Variants in NAP1L4 observed in about 807,000 individuals in gnomAD.
NAP1L4 encodes nucleosome assembly protein 1-like 4.
NAP1L4 carries 15 observed loss-of-function variants against 58.2 expected under a neutral mutation model. That is an observed-to-expected ratio of 0.26 (90% CI 0.17 to 0.40). The LOEUF (loss-of-function observed/expected upper bound fraction) is 0.40. Among genes scored for constraint, NAP1L4 ranks in the 10% least tolerant of loss-of-function variants. NAP1L4 has a pLI of 1.00. For missense variants in NAP1L4, 384 were observed against 451.1 expected (o/e 0.85, Z 1.35); for synonymous variants, 171 against 155.6 (o/e 1.10, Z -0.74).
chr11:2,963,997 T>C, intron 8 of NAP1L4: 1 of 465,836 alleles, frequency 2.1e-6, no homozygotes, highest in South Asian at 1.6e-5. Context: ...AAGCTTATCT[T>C]ACCAACTGGT....
intron 1 of NAP1L4, among the ~76,000 whole-genome samples, chr11:2,981,217 GAC>G (rs1346209188): frequency 6.7e-6 from 1 of 148,706 alleles, no homozygotes; most frequent in East Asian, 2.0e-4. Flanking sequence ...CCGCCTGGAA[GAC>G]ACAGTCAGAC....
chr11:2,990,654 A>T (rs1053910267), intron 1 of NAP1L4: 1 of 153,448 alleles, frequency 6.5e-6, no homozygotes, highest in African/African-American at 2.4e-5. Context: ...AGAAGCAGTA[A>T]CCCTGGGTAC....
rs1218485024 is a variant in NAP1L4, at chr11:2,963,638, C to T, written c.606+1042G>A. 1.5e-5 allele frequency: 7 copies of T among 452,296 alleles called. No homozygotes were observed. In the Admixed American group the frequency reaches 1.6e-4, roughly 11 times the overall value. 28.0% of individuals were successfully genotyped at this position (452,296 alleles called of 1,614,324 possible). On this transcript the variant is annotated intron_variant, in intron 8 of 15. Transcript: ENST00000380542. ...GCACTTGCAGTGAAGAAATCCCACT[C>T]CTAGTGGCCCTCATCCATTAGCCCA...
Position 2,948,360 on chromosome 11 carries a change from G to A in NAP1L4, c.*32+867C>T, listed in dbSNP as rs939436345. On this transcript the variant is annotated intron_variant, in intron 15 of 15. Transcript: ENST00000380542. The surrounding 1 kb of genome is among the most constrained non-coding windows in gnomAD (Gnocchi z 5.1). ...GTTCTGTGACGAGACCCTTAAAAAC[G>A]GAGTGCCTACTTATCCTGGCATGCA... Among the ~76,000 whole-genome samples the A allele has an allele frequency of 6.6e-6, 1 of 152,148 alleles. No homozygotes were observed. Among genetic ancestry groups the A allele is most frequent in the Non-Finnish European group, 1.5e-5 (1 of 68,016 alleles).
chr11:2,981,723 A>G (rs1285841834), intron 1 of NAP1L4: 4 of 152,264 alleles, frequency 2.6e-5, no homozygotes, highest in African/African-American at 9.7e-5. Flanking sequence ...GCTACTCGGG[A>G]GGCTGAGGCA....
At chr11:2,962,670 A>C (rs1372332009) in intron 8 of NAP1L4, among the ~76,000 whole-genome samples, 1 of 148,582 alleles carries the variant, frequency 6.7e-6, no homozygotes, top group East Asian at 1.9e-4. Flanking sequence ...AAGTAAAAAG[A>C]AAAAAAAAAA....
Position 2,959,478 on chromosome 11 carries a change from C to T in NAP1L4, c.746+292G>A, listed in dbSNP as rs1043130679. On this transcript the variant is annotated intron_variant, in intron 9 of 15. Coordinates refer to ENST00000380542, the MANE Select transcript of NAP1L4 (RefSeq NM_005969.4). The surrounding 1 kb of genome is among the most constrained non-coding windows in gnomAD (Gnocchi z 4.9). ...ATTCAATTTTAAGAACTTCAATTCA[C>T]GATGTCTAGAGAATCCACTACTTTC... 7.2e-5 allele frequency among the ~76,000 whole-genome samples: 11 copies of T among 152,172 alleles called. No individual in the cohort carries two copies. The highest frequency in any genetic ancestry group is 5.9e-5 in the Non-Finnish European group (4 of 68,032).
rs376254394 is a variant in NAP1L4 at position 2,951,224 on chromosome 11, A to G, written c.1122+35T>C. 99 of 1,571,708 alleles carry G rather than the reference A, an allele frequency of 6.3e-5. No homozygotes were observed. Among genetic ancestry groups the G allele is most frequent in the Admixed American group, 8.4e-5 (5 of 59,386 alleles). On this transcript the variant is annotated intron_variant, in intron 14 of 15. Coordinates refer to ENST00000380542, the MANE Select transcript of NAP1L4 (RefSeq NM_005969.4). The surrounding 1 kb of genome is among the most constrained non-coding windows in gnomAD (Gnocchi z 4.0). ...TTTTAAAAGTCTAAGAGTGCAGCAT[A>G]ATAAGTAGGTCTGGGTGGCCCCAAA...
In NAP1L4 at chr11:2,960,090, G is replaced by C. The variant is rs1846777455; in HGVS notation, c.607-181C>G. ...CGTGAGGTTAAAAAAACCAACGATG[G>C]ACTGGCGGGAAATATCTGTTCAGTT... On this transcript the variant is annotated intron_variant, in intron 8 of 15. Coordinates refer to ENST00000380542, the MANE Select transcript of NAP1L4 (RefSeq NM_005969.4). 4 of 604,238 alleles carry C rather than the reference G, an allele frequency of 6.6e-6. No individual in the cohort carries two copies. The African/African-American group carries it at 7.4e-5, about 11-fold the overall frequency. The allele number at this position is 604,238 out of a possible 1,614,324, so 37.4% of individuals were successfully genotyped here.
At chr11:2,945,862 C>G (rs2133885244) in intron 15 of NAP1L4, among the ~76,000 whole-genome samples, 1 of 152,282 alleles carries the variant, frequency 6.6e-6, no homozygotes, top group African/African-American at 2.4e-5. Flanking sequence ...TAAAGCTATG[C>G]CTTCAAGCAT....
intron 1 of NAP1L4, among the ~76,000 whole-genome samples, chr11:2,982,216 G>C (rs1848363226): frequency 1.3e-5 from 2 of 152,128 alleles, no homozygotes. Context: ...GCATTTCTGG[G>C]TCAAAGAGCA....
chr11:2,986,352 C>T lies in NAP1L4; in HGVS notation c.-18+5902G>A, dbSNP rs192980098. Among the ~76,000 whole-genome samples, 691 of 138,300 alleles carry T rather than the reference C, an allele frequency of 5.0e-3. 12 individuals carry two copies. Among genetic ancestry groups the T allele is most frequent in the African/African-American group, 0.018 (655 of 36,892 alleles). 90.7% of individuals were successfully genotyped at this position (138,300 alleles called of 152,430 possible). A position where few individuals can be genotyped will look rare whatever the true frequency, so the allele number is the denominator to read the frequency against. On this transcript the variant is annotated intron_variant, in intron 1 of 15. Coordinates refer to ENST00000380542, the MANE Select transcript of NAP1L4 (RefSeq NM_005969.4). ...TTGCCCCACTAGACTCCAGTCTGGG[C>T]GACAGAGCCAGACCCTGTCTCAAAA...
intron 12 of NAP1L4, among the ~76,000 whole-genome samples, chr11:2,953,232 C>A (rs188652832): frequency 6.6e-6 from 1 of 152,350 alleles, no homozygotes; most frequent in Admixed American, 6.5e-5. Flanking sequence ...AAATGTGGCA[C>A]AGTGCTCACC....
intron 3 of NAP1L4, among the ~76,000 whole-genome samples, chr11:2,976,374 GCTCTCACCAGGA>G (rs1259333037): frequency 7.2e-5 from 11 of 152,230 alleles, no homozygotes; most frequent in African/African-American, 2.6e-4. Context: ...GAGAGTCCTG[GCTCTCACCAGGA>G]CTGTGGCTGT....
At chr11:2,984,888 T>C (rs936810861) in intron 1 of NAP1L4, among the ~76,000 whole-genome samples, 3 of 152,080 alleles carry the variant, frequency 2.0e-5, no homozygotes, top group African/African-American at 4.8e-5. Flanking sequence ...CAAGTTACTT[T>C]AAACACTGCA....
intron 7 of NAP1L4, among the ~76,000 whole-genome samples, chr11:2,967,246 C>A (rs1318790019): frequency 6.6e-6 from 1 of 152,140 alleles, no homozygotes; most frequent in Non-Finnish European, 1.5e-5. Context: ...GGCTGGGCAT[C>A]ATAGCAAGAC....
At chr11:2,976,984 C>T (rs574541396) in intron 3 of NAP1L4, among the ~76,000 whole-genome samples, 155 of 151,454 alleles carry the variant, frequency 1.0e-3, no homozygotes, top group South Asian at 1.7e-3. Flanking sequence ...ATTCTCCCAT[C>T]CCGAGTATTC....
chr11:2,949,090 A>G lies in NAP1L4; in HGVS notation c.*32+137T>C. The stretch of plus-strand genomic sequence containing the variant: ...CGTTGATTTTAAAAGTACATGTAAC[A>G]GACACCTATGTCAAACCTGTGACAC... On this transcript the variant is annotated intron_variant, in intron 15 of 15. Transcript: ENST00000380542. This position sits in a 1 kb window ranked among gnomAD's most constrained non-coding sequence, Gnocchi z 4.0. 3.1e-6 allele frequency: 2 copies of G among 644,612 alleles called. No individual in the cohort carries two copies. Among genetic ancestry groups the G allele is most frequent in the Non-Finnish European group, 5.3e-6 (2 of 373,968 alleles). The allele number at this position is 644,612 out of a possible 1,614,324, so 39.9% of individuals were successfully genotyped here. A position where few individuals can be genotyped will look rare whatever the true frequency, so the allele number is the denominator to read the frequency against.
intron 1 of NAP1L4, among the ~76,000 whole-genome samples, chr11:2,979,492 G>A (rs1408035291): frequency 6.6e-6 from 1 of 152,112 alleles, no homozygotes; most frequent in East Asian, 1.9e-4. Flanking sequence ...AAATTTCTCG[G>A]CCTGGCGCGG....
Sources: gnomAD v4.1 joint callset for allele counts (sites outside exome capture counted in the v4.1 genomes callset) on GRCh38, gnomAD v4.1.1 for gene constraint, Gnocchi (gnomAD v3.1) non-coding constraint, MANE v1.5 for transcripts, NCBI Gene and HGNC (gene_info 2026-07-23, HGNC 2026-07-21) for gene names.